The following KCNMA1 variants were observed in gnomAD, a reference collection of about 807,000 sequenced individuals.
The protein encoded by KCNMA1 is potassium calcium-activated channel subfamily M alpha 1.
KCNMA1 carries 29 observed loss-of-function variants against 140.0 expected under a neutral mutation model. That is an observed-to-expected ratio of 0.21 (90% CI 0.15 to 0.28). The LOEUF (loss-of-function observed/expected upper bound fraction) is 0.28, where lower values mean the gene tolerates loss of function less well. Ranked by LOEUF, KCNMA1 falls within the 10% of genes least tolerant of loss-of-function variation. KCNMA1 has a pLI of 1.00. For synonymous variants in KCNMA1, 612 were observed against 611.9 expected, an observed-to-expected ratio of 1.00 and a Z score of 0.00; for missense variants, 880 against 1,602.2, an observed-to-expected ratio of 0.55 and a Z score of 7.70.
chr10:77,049,052 C>A (rs2095251174), intron 14 of KCNMA1, among the ~76,000 whole-genome samples: 1 of 152,164 alleles, frequency 6.6e-6, no homozygotes, highest in South Asian at 2.1e-4. Flanking sequence ...ACGTGAGCCA[C>A]CGCGCCCGGC....
intron 1 of KCNMA1, among the ~76,000 whole-genome samples, chr10:77,488,981 G>A (rs1053101005): frequency 3.1e-4 from 47 of 152,264 alleles, no homozygotes; most frequent in Non-Finnish European, 8.8e-5. Context: ...CACAGGCCAG[G>A]AGCTAGGAAT....
chr10:77,266,170 C>G (rs916308307), intron 2 of KCNMA1, among the ~76,000 whole-genome samples: 5 of 151,668 alleles, frequency 3.3e-5, no homozygotes, highest in African/African-American at 1.2e-4. Context: ...GCTGAGGAGA[C>G]TTTGGGTTCC....
chr10:77,337,093 T>C (rs1467631082), intron 2 of KCNMA1, among the ~76,000 whole-genome samples: 2 of 152,184 alleles, frequency 1.3e-5, no homozygotes, highest in South Asian at 2.1e-4. Context: ...AGACAAGTCA[T>C]CTGTCACGTC....
intron 2 of KCNMA1, among the ~76,000 whole-genome samples, chr10:77,367,683 T>C (rs1259343393): frequency 6.6e-6 from 1 of 152,216 alleles, no homozygotes; most frequent in Non-Finnish European, 1.5e-5. Context: ...CCCCAAAAAC[T>C]ATCTTGCATT....
rs573110313 is a variant in KCNMA1, at chr10:77,615,792, C to T, written c.378+21473G>A. Among the ~76,000 whole-genome samples the T allele has an allele frequency of 9.2e-5, 14 of 152,278 alleles. No individual in the cohort carries two copies. In the East Asian group the frequency reaches 2.3e-3, roughly 25 times the overall value. On this transcript the variant is annotated intron_variant, in intron 1 of 27. Transcript: ENST00000286628. ...CACTACCTCACTGTCCGTCTTGGTG[C>T]TCACTGTTGGCCCCTGGCTACCCTG...
chr10:77,546,947 T>G (rs1423432407), intron 1 of KCNMA1, among the ~76,000 whole-genome samples: 1 of 152,160 alleles, frequency 6.6e-6, no homozygotes, highest in East Asian at 1.9e-4. Flanking sequence ...AGTCAAAGAC[T>G]TTGCCTGAGG....
intron 15 of KCNMA1, among the ~76,000 whole-genome samples, chr10:77,030,200 C>T (rs2093826254): frequency 6.6e-6 from 1 of 152,156 alleles, no homozygotes; most frequent in African/African-American, 2.4e-5. Flanking sequence ...CTGATTCCTG[C>T]CAGCAGAATC....
chr10:77,225,586 C>A (rs1362573575), intron 3 of KCNMA1, among the ~76,000 whole-genome samples: 1 of 152,160 alleles, frequency 6.6e-6, no homozygotes, highest in African/African-American at 2.4e-5. Flanking sequence ...AGTGTAAATA[C>A]CTCACCTCTC....
At chr10:76,996,079 C>G (rs943585323) in intron 19 of KCNMA1, among the ~76,000 whole-genome samples, 2 of 152,276 alleles carry the variant, frequency 1.3e-5, no homozygotes, top group Non-Finnish European at 2.9e-5. Flanking sequence ...GGTGAAAGCA[C>G]AACAAGGTCC....
At chr10:77,373,375 G>A (rs565063307) in intron 2 of KCNMA1, among the ~76,000 whole-genome samples, 3 of 152,296 alleles carry the variant, frequency 2.0e-5, no homozygotes, top group South Asian at 2.1e-4. Flanking sequence ...ACATGAGGGC[G>A]TAGGTCTGCA....
At chr10:77,017,141 T>C (rs1482567185) in intron 17 of KCNMA1, among the ~76,000 whole-genome samples, 1 of 152,184 alleles carries the variant, frequency 6.6e-6, no homozygotes, top group Non-Finnish European at 1.5e-5. Flanking sequence ...TAGGAGGTAA[T>C]TTGTTTTTTG....
At chr10:77,568,139 G>A (rs192618655) in intron 1 of KCNMA1, among the ~76,000 whole-genome samples, 6 of 152,288 alleles carry the variant, frequency 3.9e-5, no homozygotes, top group African/African-American at 7.2e-5. Context: ...ATTCACAGCC[G>A]AATTCTACCA....
intron 1 of KCNMA1, among the ~76,000 whole-genome samples, chr10:77,464,295 C>G (rs935146975): frequency 6.6e-6 from 1 of 152,152 alleles, no homozygotes; most frequent in East Asian, 1.9e-4. Context: ...CATGGGAGGG[C>G]CTTTACAGAA....
chr10:77,629,170 T>C (rs1362768293), intron 1 of KCNMA1, among the ~76,000 whole-genome samples: 13 of 152,166 alleles, frequency 8.5e-5, no homozygotes, highest in Non-Finnish European at 1.5e-4. Flanking sequence ...GAGTGCCAAT[T>C]ACATTTCCAA....
At chr10:77,503,071 G>C (rs1318007191) in intron 1 of KCNMA1, among the ~76,000 whole-genome samples, 1 of 152,068 alleles carries the variant, frequency 6.6e-6, no homozygotes. Flanking sequence ...AGGCAACATA[G>C]CTAGATCCTC....
chr10:77,235,206 A>G (rs1002466880), intron 3 of KCNMA1, among the ~76,000 whole-genome samples: 3 of 152,184 alleles, frequency 2.0e-5, no homozygotes, highest in Non-Finnish European at 2.9e-5. Flanking sequence ...CTGAAATCCA[A>G]GTTAATTTGA....
At chr10:77,503,885 G>A (rs1409947948) in intron 1 of KCNMA1, among the ~76,000 whole-genome samples, 2 of 152,184 alleles carry the variant, frequency 1.3e-5, no homozygotes, top group African/African-American at 4.8e-5. Context: ...AACACTGTGC[G>A]ACATCTTACC....
At chr10:77,501,095 C>A (rs910991765) in intron 1 of KCNMA1, among the ~76,000 whole-genome samples, 2 of 152,246 alleles carry the variant, frequency 1.3e-5, no homozygotes, top group African/African-American at 4.8e-5. Flanking sequence ...CTCTGGAGGG[C>A]CAGGGCCAAA....
rs74143305 is a variant in KCNMA1 at position 77,174,065 on chromosome 10, G to A, written c.808+9356C>T. Among the ~76,000 whole-genome samples, 861 of 152,180 alleles carry A rather than the reference G, an allele frequency of 5.7e-3. 14 individuals carry two copies. Among genetic ancestry groups the A allele is most frequent in the African/African-American group, 0.019 (800 of 41,500 alleles). On this transcript the variant is annotated intron_variant, in intron 5 of 27. Coordinates refer to ENST00000286628, the MANE Select transcript of KCNMA1 (RefSeq NM_001161352.2). The stretch of plus-strand genomic sequence containing the variant: ...AGCAAATTGCAGGACCAGCCTCTAG[G>A]GGGCACCAGAGACCTTTCCTTTCAG...
Sources: gnomAD v4.1 joint callset for allele counts (sites outside exome capture counted in the v4.1 genomes callset) on GRCh38, gnomAD v4.1.1 for gene constraint, MANE v1.5 for transcripts, NCBI Gene and HGNC (gene_info 2026-07-23, HGNC 2026-07-21) for gene names.